The following TMEM255B variants were observed in gnomAD, a reference collection of about 807,000 sequenced individuals.
The protein encoded by TMEM255B is family with sequence similarity 70, member B.
TMEM255B carries 35 observed loss-of-function variants against 34.5 expected under a neutral mutation model. The ratio of observed to expected loss-of-function variants is 1.01; its 90% CI spans 0.77 to 1.34. The LOEUF (loss-of-function observed/expected upper bound fraction) is 1.34. TMEM255B is among the 40% of genes most tolerant of loss of function. The pLI is 0.00. For synonymous variants in TMEM255B, 206 were observed against 201.2 expected (o/e 1.02, Z -0.20); for missense variants, 432 against 433.2 (o/e 1.00, Z 0.02).
At chr13:113,759,945 G>A (rs2050269874) in intron 1 of TMEM255B, among the ~76,000 whole-genome samples, 1 of 152,180 alleles carries the variant, frequency 6.6e-6, no homozygotes, top group Non-Finnish European at 1.5e-5. Context: ...AACCTGTTGC[G>A]TGTTCACCAG....
At chr13:113,795,838 A>T (rs939471198) in intron 4 of TMEM255B, among the ~76,000 whole-genome samples, 6 of 143,368 alleles carry the variant, frequency 4.2e-5, no homozygotes, top group Non-Finnish European at 9.1e-5. Context: ...CACACAACAC[A>T]CAGAGCACAC....
intron 3 of TMEM255B, among the ~76,000 whole-genome samples, chr13:113,786,283 C>T (rs1439487793): frequency 1.3e-5 from 2 of 151,638 alleles, no homozygotes; most frequent in Non-Finnish European, 2.9e-5. Flanking sequence ...CCATTGTCAC[C>T]ATCCTCGCTG....
chr13:113,803,270 G>A (rs1444970784), intron 7 of TMEM255B: 2 of 148,286 alleles, frequency 1.3e-5, no homozygotes, highest in African/African-American at 4.9e-5. Flanking sequence ...CGAACCCAAA[G>A]CTCAGGGCTG....
intron 2 of TMEM255B, among the ~76,000 whole-genome samples, chr13:113,768,418 C>T (rs1594621015): frequency 1.3e-5 from 2 of 152,344 alleles, no homozygotes; most frequent in South Asian, 2.1e-4. Flanking sequence ...GTCTATTTCC[C>T]GACATCCCAG....
rs144682514 is a variant in TMEM255B at position 113,801,752 on chromosome 13, C to T, written c.609C>T (p.Asn203=). ...YRLLWASAVL[N]VLGLFLGIIT... is the part of the protein sequence containing the mutation. ...TGCTCTGGGCCTCTGCAGTTCTGAA[C>T]GTCCTGGGCCTGTTCCTGGGCATCA... Residue 203 remains asparagine (N), a synonymous_variant, in exon 7 of 9, where the codon AAC becomes AAT. Coordinates refer to ENST00000375353, the MANE Select transcript of TMEM255B (RefSeq NM_182614.4). The T allele has an allele frequency of 7.2e-5, 116 of 1,613,012 alleles. No individual in the cohort carries two copies. In the Admixed American group the frequency reaches 9.8e-4, roughly 14 times the overall value.
At chr13:113,796,348 GTA>G (rs2050935912) in intron 4 of TMEM255B, among the ~76,000 whole-genome samples, 1 of 117,880 alleles carries the variant, frequency 8.5e-6, no homozygotes, top group African/African-American at 3.6e-5. Context: ...ACCACACAGA[GTA>G]CACACCTCAC....
Position 113,775,056 on chromosome 13 carries a change from A to G in TMEM255B, c.252+5896A>G, listed in dbSNP as rs537182823. Among the ~76,000 whole-genome samples, 14 of 66,998 alleles carry G rather than the reference A, an allele frequency of 2.1e-4. No homozygotes were observed. In the South Asian group the frequency reaches 2.8e-3, roughly 14 times the overall value. The allele number at this position is 66,998 out of a possible 152,430, so 44.0% of individuals were successfully genotyped here. A position where few individuals can be genotyped will look rare whatever the true frequency, so the allele number is the denominator to read the frequency against. On this transcript the variant is annotated intron_variant, in intron 3 of 8. Coordinates refer to ENST00000375353, the MANE Select transcript of TMEM255B (RefSeq NM_182614.4). Reference sequence around the variant, plus strand: ...ATGACACACATTGCACACACAACACACCACACACCACACACTCCACACACA... The same window carrying G: ...ATGACACACATTGCACACACAACACGCCACACACCACACACTCCACACACA...
intron 8 of TMEM255B, among the ~76,000 whole-genome samples, chr13:113,808,658 G>T (rs1243401272): frequency 6.6e-6 from 1 of 150,902 alleles, no homozygotes; most frequent in East Asian, 1.9e-4. Context: ...TGTGATTCCT[G>T]AGGGTTTAAC....
intron 8 of TMEM255B, among the ~76,000 whole-genome samples, chr13:113,811,459 A>G (rs558077855): frequency 9.0e-4 from 51 of 56,408 alleles, no homozygotes; most frequent in Admixed American, 1.2e-3. Context: ...GGTCTGTGGG[A>G]GCCCGTGTGA....
Position 113,800,853 on chromosome 13 carries a change from G to A in TMEM255B, c.450G>A (p.Lys150=). 6.2e-7 allele frequency: 1 copy of A among 1,610,430 alleles called. No homozygotes were observed. Among genetic ancestry groups the A allele is most frequent in the Non-Finnish European group, 8.5e-7 (1 of 1,178,892 alleles). The change falls in exon 6 of 9, where the codon AAG becomes AAA. Residue 150 remains lysine (K), a synonymous_variant. Transcript: ENST00000375353. ...TCACCTGTCACTCCCTGGACGGCAA[G>A]TGCCAGCTGAAGGTGAGAAGCAACA... The part of the protein sequence containing the change: ...TEVTCHSLDG[K]CQLKVRSNTC...
chr13:113,780,484 G>C (rs2061453747), intron 3 of TMEM255B, among the ~76,000 whole-genome samples: 1 of 152,210 alleles, frequency 6.6e-6, no homozygotes, highest in South Asian at 2.1e-4. Context: ...ATTGTTAAAA[G>C]CTGTCAATAG....
At chr13:113,780,064 G>A (rs2050643401) in intron 3 of TMEM255B, among the ~76,000 whole-genome samples, 1 of 152,206 alleles carries the variant, frequency 6.6e-6, no homozygotes, top group African/African-American at 2.4e-5. Flanking sequence ...TTTTAAAGCT[G>A]AGCCCAGCCA....
intron 7 of TMEM255B, among the ~76,000 whole-genome samples, chr13:113,802,210 C>T (rs952473962): frequency 3.9e-5 from 6 of 152,192 alleles, no homozygotes; most frequent in Non-Finnish European, 8.8e-5. Flanking sequence ...GAGACCCATA[C>T]AGCCAGGATT....
At chr13:113,778,038 G>A (rs759207411) in intron 3 of TMEM255B, among the ~76,000 whole-genome samples, 2 of 152,230 alleles carry the variant, frequency 1.3e-5, no homozygotes, top group African/African-American at 2.4e-5. Flanking sequence ...AGGGCCTGAG[G>A]GGGTGGACAG....
At chr13:113,776,460 G>A (rs1032107514) in intron 3 of TMEM255B, among the ~76,000 whole-genome samples, 12 of 152,198 alleles carry the variant, frequency 7.9e-5, no homozygotes, top group African/African-American at 2.9e-4. Flanking sequence ...CCTCCCGACA[G>A]CTACGTCCAG....
In TMEM255B at chr13:113,804,447, TC is replaced by T. The variant is rs199609121; in HGVS notation, c.670-430del. Among the ~76,000 whole-genome samples the T allele has an allele frequency of 1.1e-3, 166 of 149,718 alleles. 5 individuals are homozygous for T. In the East Asian group the frequency reaches 0.022, roughly 20 times the overall value. ...AGAGAAGGAAACCAGTGCTTTTTTC[TC>T]CCCCCCCAAAAAATCAAAAAAGTAA... On this transcript the variant is annotated intron_variant, in intron 7 of 8. Transcript: ENST00000375353.
chr13:113,799,361 G>A lies in TMEM255B; in HGVS notation c.365G>A (p.Gly122Glu). ...QHIEPRPLTT[G>E]RCQFYSSGVG... ...TAGGAACCGAGGCCCCTCACCACGGGAAGATGCCAGTTTTACTCCAGTGGG... is the reference window on the plus strand; with the variant it reads ...TAGGAACCGAGGCCCCTCACCACGGAAAGATGCCAGTTTTACTCCAGTGGG... Residue 122 changes from glycine (G) to glutamate (E), a missense_variant, in exon 5 of 9, where the codon GGA (glycine) becomes GAA (glutamate). Physicochemically the swap from Gly to Glu is moderately conservative, Grantham distance 98 (BLOSUM62 -2). Coordinates refer to ENST00000375353, the MANE Select transcript of TMEM255B (RefSeq NM_182614.4). 1.9e-6 allele frequency: 3 copies of A among 1,614,140 alleles called. No individual in the cohort carries two copies. The highest frequency in any genetic ancestry group is 2.5e-6 in the Non-Finnish European group (3 of 1,180,024).
intron 1 of TMEM255B, 86 bp from the exon 2 acceptor site, chr13:113,766,029 T>C: frequency 6.4e-7 from 1 of 1,563,502 alleles, no homozygotes; most frequent in Non-Finnish European, 8.7e-7. Context: ...GACCCCTGGG[T>C]AACGGAGCAC....
rs138805204 is a variant in TMEM255B at position 113,807,904 on chromosome 13, G to A, written c.813+2876G>A. ...GGCAGATCCACTTCATCCCCATGGTGCTCCATCCTCATCCACCCTGGGGCT... is the reference window on the plus strand; with the variant it reads ...GGCAGATCCACTTCATCCCCATGGTACTCCATCCTCATCCACCCTGGGGCT... On this transcript the variant is annotated intron_variant, in intron 8 of 8. Coordinates refer to ENST00000375353, the MANE Select transcript of TMEM255B (RefSeq NM_182614.4). Among the ~76,000 whole-genome samples, 325 of 152,238 alleles carry A rather than the reference G, an allele frequency of 2.1e-3. 1 individual carries two copies. Among genetic ancestry groups the A allele is most frequent in the African/African-American group, 7.2e-3 (300 of 41,518 alleles).
Sources: gnomAD v4.1 joint callset for allele counts (sites outside exome capture counted in the v4.1 genomes callset) on GRCh38, gnomAD v4.1.1 for gene constraint, MANE v1.5 for transcripts, NCBI Gene and HGNC (gene_info 2026-07-23, HGNC 2026-07-21) for gene names.